Variants in FRMPD2 observed in about 807,000 individuals in gnomAD.
FRMPD2 encodes the protein FERM and PDZ domain containing 2.
Under a neutral mutation model 140.1 loss-of-function variants are expected in FRMPD2, and 96 were observed. The observed-to-expected ratio is 0.69, with a 90% confidence interval of 0.58 to 0.81. The LOEUF (loss-of-function observed/expected upper bound fraction) is 0.81. Ranked by LOEUF, FRMPD2 falls within the 40% of genes least tolerant of loss-of-function variation. The pLI is 0.00. For missense variants in FRMPD2, 1,240 were observed against 1,447.4 expected (o/e 0.86, Z 2.32); for synonymous variants, 449 against 547.6 (o/e 0.82, Z 2.52).
At chr10:48,190,748 G>A (rs575796931) in intron 16 of FRMPD2, among the ~76,000 whole-genome samples, 87 of 152,278 alleles carry the variant, frequency 5.7e-4, no homozygotes, top group Non-Finnish European at 1.1e-3. Flanking sequence ...GAGTTATACC[G>A]AATATTACGG....
intron 15 of FRMPD2, among the ~76,000 whole-genome samples, chr10:48,199,449 G>T (rs151142502): frequency 2.3e-4 from 35 of 152,332 alleles, no homozygotes; most frequent in Non-Finnish European, 4.1e-4. Context: ...TTGCTAAGCA[G>T]CAGCAAATAG....
chr10:48,271,343 T>C (rs1185806165), intron 1 of FRMPD2, among the ~76,000 whole-genome samples: 4 of 152,248 alleles, frequency 2.6e-5, no homozygotes, highest in Non-Finnish European at 5.9e-5. Context: ...ACAAAAATGA[T>C]ACTGATAGAA....
chr10:48,228,786 TA>T (rs548692855), intron 10 of FRMPD2, among the ~76,000 whole-genome samples: 86 of 152,196 alleles, frequency 5.7e-4, no homozygotes, highest in African/African-American at 2.0e-3. Flanking sequence ...AATGTGTTTT[TA>T]TTTGTTGTCG....
At chr10:48,200,366 A>C (rs1678964763) in intron 15 of FRMPD2, among the ~76,000 whole-genome samples, 2 of 152,054 alleles carry the variant, frequency 1.3e-5, no homozygotes, top group Non-Finnish European at 2.9e-5. Flanking sequence ...AACTAGTCAG[A>C]ACTGCACCGC....
chr10:48,236,661 A>T, intron 8 of FRMPD2, 108 bp from the exon 9 acceptor site: 1 of 998,146 alleles, frequency 1.0e-6, no homozygotes, highest in Admixed American at 2.0e-5. Flanking sequence ...TACATTCCCC[A>T]GAGCCAGCAG....
rs372975787 is a variant in FRMPD2 at position 48,174,473 on chromosome 10, G to A, written c.3075+397C>T. ...GAATGGCATGAACAGGGAACGGAGTGGGGTCATCCTATGCAAACGTAGGGA... is the reference window on the plus strand; with the variant it reads ...GAATGGCATGAACAGGGAACGGAGTAGGGTCATCCTATGCAAACGTAGGGA... On this transcript the variant is annotated intron_variant, in intron 24 of 28. Coordinates refer to ENST00000374201, the MANE Select transcript of FRMPD2 (RefSeq NM_001018071.4). Among the ~76,000 whole-genome samples the A allele has an allele frequency of 4.3e-4, 66 of 152,246 alleles. No homozygotes were observed. In the South Asian group the frequency reaches 0.013, roughly 31 times the overall value.
intron 1 of FRMPD2, among the ~76,000 whole-genome samples, chr10:48,268,937 T>C (rs1026223801): frequency 6.6e-6 from 1 of 152,246 alleles, no homozygotes; most frequent in Non-Finnish European, 1.5e-5. Flanking sequence ...CTTTGCAACT[T>C]CTTTGCAACT....
In FRMPD2 at chr10:48,251,980, C is replaced by T. The variant is rs140058510; in HGVS notation, c.26-289G>A. Reference sequence around the variant, plus strand: ...TTAAATGAATAAATAAATGAACAACCAAATGAAACATGAGAACAGCACCTC... The same window carrying T: ...TTAAATGAATAAATAAATGAACAACTAAATGAAACATGAGAACAGCACCTC... On this transcript the variant is annotated intron_variant, in intron 1 of 28. Coordinates refer to ENST00000374201, the MANE Select transcript of FRMPD2 (RefSeq NM_001018071.4). 7.2e-5 allele frequency among the ~76,000 whole-genome samples: 11 copies of T among 152,256 alleles called. No homozygotes were observed. The East Asian group carries it at 2.1e-3, about 29-fold the overall frequency.
chr10:48,179,870 G>A (rs146241051), intron 21 of FRMPD2, among the ~76,000 whole-genome samples: 127 of 152,338 alleles, frequency 8.3e-4, no homozygotes, highest in African/African-American at 2.8e-3. Context: ...CCTGAGTAAG[G>A]GAGGATAGGT....
chr10:48,262,779 T>G (rs534377299), intron 1 of FRMPD2, among the ~76,000 whole-genome samples: 3 of 152,312 alleles, frequency 2.0e-5, no homozygotes, highest in African/African-American at 7.2e-5. Flanking sequence ...TGTTTATTTA[T>G]GTATTTATTT....
intron 2 of FRMPD2, among the ~76,000 whole-genome samples, chr10:48,251,199 T>C (rs1405423465): frequency 6.6e-6 from 1 of 152,146 alleles, no homozygotes; most frequent in Admixed American, 6.5e-5. Flanking sequence ...CATCTCTGGT[T>C]ATGCCCAGAG....
At chr10:48,236,455 C>A in intron 9 of FRMPD2, 27 bp downstream of exon 9, 1 of 1,610,188 alleles carries the variant, frequency 6.2e-7, no homozygotes, top group Non-Finnish European at 8.5e-7. Context: ...CACCCTCCAT[C>A]CCTGCCCAGT....
chr10:48,242,756 C>T (rs371946997), intron 4 of FRMPD2, among the ~76,000 whole-genome samples: 1 of 152,364 alleles, frequency 6.6e-6, no homozygotes, highest in East Asian at 1.9e-4. Flanking sequence ...GGGGGTCTCA[C>T]TTGGCCTTTC....
At chr10:48,239,840 T>C (rs894907989) in intron 6 of FRMPD2, 148 bp from the exon 7 acceptor site, 13 of 612,610 alleles carry the variant, frequency 2.1e-5, no homozygotes, top group Non-Finnish European at 3.5e-5. Context: ...TGTTTCCTCA[T>C]GTAGAAAACA....
At chr10:48,206,701 C>G (rs1247389202) in intron 14 of FRMPD2, 47 bp downstream of exon 14, 10 of 1,531,804 alleles carry the variant, frequency 6.5e-6, no homozygotes, top group Non-Finnish European at 7.2e-6. Context: ...GCCAACAAAT[C>G]AAAGGAAAAT....
intron 8 of FRMPD2, among the ~76,000 whole-genome samples, 197 bp from the exon 9 acceptor site, chr10:48,236,750 G>A (rs1380514249): frequency 6.6e-6 from 1 of 152,158 alleles, no homozygotes. Context: ...CTTACAGGTG[G>A]GTATAGGGTA....
Position 48,249,196 on chromosome 10 carries a change from A to T in FRMPD2, c.152-18T>A, listed in dbSNP as rs774821503. ...CGAGGAATCTGAAACCAAGCCAGTG[A>T]TGGGGCTGTAGAGACAGAGCTTCCA... On this transcript the variant is annotated intron_variant, in intron 2 of 28. Transcript: ENST00000374201. The T allele has an allele frequency of 3.7e-6, 6 of 1,612,314 alleles. No individual in the cohort carries two copies. In the East Asian group the frequency reaches 1.3e-4, roughly 36 times the overall value.
At chr10:48,203,622 T>C (rs1431392623) in intron 14 of FRMPD2, among the ~76,000 whole-genome samples, 1 of 152,192 alleles carries the variant, frequency 6.6e-6, no homozygotes, top group Non-Finnish European at 1.5e-5. Flanking sequence ...GAGTTCTTTT[T>C]TTTCTGTTGC....
rs1372647857 is a variant in FRMPD2, at chr10:48,274,601, T to C, written c.-34A>G. The C allele has an allele frequency of 6.2e-7, 1 of 1,611,614 alleles. No homozygotes were observed. Among genetic ancestry groups the C allele is most frequent in the Admixed American group, 1.7e-5 (1 of 59,808 alleles). On this transcript the variant is annotated 5_prime_UTR_variant, in exon 1 of 29. It removes an upstream start codon present in the reference 5' UTR. Coordinates refer to ENST00000374201, the MANE Select transcript of FRMPD2 (RefSeq NM_001018071.4). ...CTCCGTGACCAGGTCTAGGCCTTCA[T>C]CATGGGACAACTTTCCAACAAGGAG...
Sources: allele counts gnomAD v4.1 joint callset (sites outside exome capture counted in the v4.1 genomes callset), GRCh38; gene constraint gnomAD v4.1.1; transcripts MANE v1.5; gene names NCBI Gene and HGNC (gene_info 2026-07-23, HGNC 2026-07-21).